The following GPRC5D variants were observed in gnomAD, a reference collection of about 807,000 sequenced individuals.
GPRC5D encodes the protein G protein-coupled receptor family C group 5 member D.
A neutral mutation model predicts 29.3 loss-of-function variants in GPRC5D; 20 were observed. That is an observed-to-expected ratio of 0.68 (90% confidence interval 0.48 to 0.99). The LOEUF is 0.99. GPRC5D is among the 50% of genes least tolerant of loss of function. The pLI is 0.00. For synonymous variants in GPRC5D, 178 were observed against 171.3 expected, an observed-to-expected ratio of 1.04 and a Z score of -0.30; for missense variants, 384 against 423.6, an observed-to-expected ratio of 0.91 and a Z score of 0.82.
upstream of GPRC5D, among the ~76,000 whole-genome samples, chr12:12,951,378 G>A (rs900846945): frequency 3.3e-5 from 5 of 152,186 alleles, no homozygotes; most frequent in African/African-American, 1.2e-4. Context: ...CCTGGGGGAA[G>A]AAATTCAGAG....
intron 2 of GPRC5D, among the ~76,000 whole-genome samples, chr12:12,941,949 C>T (rs1374158152): frequency 6.6e-6 from 1 of 152,206 alleles, no homozygotes; most frequent in South Asian, 2.1e-4. Context: ...AGGCAAAATT[C>T]GGTAAGCCTG....
chr12:12,947,506 TC>T (rs1471581990), intron 1 of GPRC5D, among the ~76,000 whole-genome samples: 2 of 152,106 alleles, frequency 1.3e-5, no homozygotes, highest in Non-Finnish European at 2.9e-5. Context: ...GGCAATTCCT[TC>T]CCTTCCTTCC....
intron 1 of GPRC5D, among the ~76,000 whole-genome samples, chr12:12,943,869 G>A (rs750632077): frequency 2.6e-5 from 4 of 152,092 alleles, no homozygotes; most frequent in East Asian, 1.9e-4. Context: ...AAGGCTGAGC[G>A]TTTTTTTATA....
At chr12:12,947,642 G>A (rs1490821708) in intron 1 of GPRC5D, among the ~76,000 whole-genome samples, 1 of 142,014 alleles carries the variant, frequency 7.0e-6, no homozygotes, top group Admixed American at 7.2e-5. Flanking sequence ...GTGGCTCCCC[G>A]CAGCCTCAAC....
At chr12:12,951,907 C>G (rs1863506080), upstream of GPRC5D, among the ~76,000 whole-genome samples, 1 of 151,952 alleles carries the variant, frequency 6.6e-6, no homozygotes, top group African/African-American at 2.4e-5. Context: ...CTTTAAATAC[C>G]TTTTTGAACA....
At chr12:12,940,846 C>G in exon 3 of GPRC5D, 2 of 1,591,692 alleles carry the variant, frequency 1.3e-6, no homozygotes, top group Non-Finnish European at 1.7e-6. Flanking sequence ...GTGGGATCAA[C>G]AGTCTGGAAA....
At chr12:12,950,253 A>G in exon 1 of GPRC5D, 1 of 1,614,030 alleles carries the variant, frequency 6.2e-7, no homozygotes, top group African/African-American at 1.3e-5. Context: ...TGAGGAAGAG[A>G]AATGCTAAGA....
At chr12:12,946,268 C>T (rs1459973749) in intron 1 of GPRC5D, among the ~76,000 whole-genome samples, 1 of 60,958 alleles carries the variant, frequency 1.6e-5, no homozygotes, top group East Asian at 4.3e-4. Flanking sequence ...TCTTTCCTTT[C>T]TTCCTTCCTT....
In GPRC5D at chr12:12,942,347, A is replaced by G. The variant is rs1863175086; in HGVS notation, c.896-19T>C. 3 of 1,584,144 alleles carry G rather than the reference A, an allele frequency of 1.9e-6. No individual in the cohort carries two copies. The highest frequency in any genetic ancestry group is 2.6e-6 in the Non-Finnish European group (3 of 1,152,750). Reference sequence around the variant, plus strand: ...TCTCGGGCTGAAAGCCAAAGGAGGGAAGGGCTGGGTTAGTGTCCGAGAGTC... The same window carrying G: ...TCTCGGGCTGAAAGCCAAAGGAGGGGAGGGCTGGGTTAGTGTCCGAGAGTC... On this transcript the variant is annotated intron_variant, in intron 1 of 2. Transcript: ENST00000228887.
chr12:12,944,979 C>CTCTT (rs1466075322), intron 1 of GPRC5D, among the ~76,000 whole-genome samples: 70 of 145,110 alleles, frequency 4.8e-4, no homozygotes, highest in Non-Finnish European at 8.3e-4. Context: ...TTTTCTTTTT[C>CTCTT]TCTCTCTCTC....
exon 1 of GPRC5D, chr12:12,950,025 A>T: frequency 6.2e-7 from 1 of 1,614,112 alleles, no homozygotes; most frequent in African/African-American, 1.3e-5. Flanking sequence ...AGGAGACACA[A>T]CCCCGAACCA....
intron 1 of GPRC5D, among the ~76,000 whole-genome samples, chr12:12,945,798 T>C (rs1166068532): frequency 6.6e-6 from 1 of 152,234 alleles, no homozygotes; most frequent in Non-Finnish European, 1.5e-5. Context: ...GCTGAGCATG[T>C]TAAATTTCAA....
At position 12,944,841 on chromosome 12, in the gene GPRC5D, CCTTCCTTCCT is replaced by C. The variant is rs1565477349; in HGVS notation, c.896-2523_896-2514del. On this transcript the variant is annotated intron_variant, in intron 1 of 2. Transcript: ENST00000228887. ...TCCTTCCTTCCTTCCTTCCTTCCTTCCTTCCTTCCTTCTTTCTTTCTTTCTTTCTTTCTTT... is the reference window on the plus strand; with the variant it reads ...TCCTTCCTTCCTTCCTTCCTTCCTTCTCTTTCTTTCTTTCTTTCTTTCTTT... 3.6e-3 allele frequency among the ~76,000 whole-genome samples: 91 copies of C among 25,222 alleles called. 5 individuals are homozygous for C. Among genetic ancestry groups the C allele is most frequent in the South Asian group, 7.5e-3 (3 of 400 alleles). The allele number at this position is 25,222 out of a possible 152,430, so 16.5% of individuals were successfully genotyped here. A position where few individuals can be genotyped will look rare whatever the true frequency, so the allele number is the denominator to read the frequency against.
intron 1 of GPRC5D, among the ~76,000 whole-genome samples, chr12:12,944,928 C>T (rs1194100837): frequency 1.8e-5 from 1 of 54,106 alleles, no homozygotes; most frequent in Non-Finnish European, 5.4e-5. Flanking sequence ...TCCCTTTCTT[C>T]CTTTTCTTCC....
At chr12:12,943,612 A>G (rs1357175390) in intron 1 of GPRC5D, among the ~76,000 whole-genome samples, 1 of 152,028 alleles carries the variant, frequency 6.6e-6, no homozygotes. Context: ...TCCTCTTCCT[A>G]GTGGCTTTTT....
chr12:12,949,582 G>C (rs1331949968), exon 1 of GPRC5D: 2 of 1,613,242 alleles, frequency 1.2e-6, no homozygotes, highest in African/African-American at 2.7e-5. Context: ...CTGTCTACAC[G>C]ATCTGTAGAG....
intron 1 of GPRC5D, among the ~76,000 whole-genome samples, chr12:12,949,196 C>G (rs1271633511): frequency 6.6e-6 from 1 of 152,158 alleles, no homozygotes; most frequent in African/African-American, 2.4e-5. Context: ...ATAGTGGATG[C>G]CTTTCTTTAA....
intron 1 of GPRC5D, among the ~76,000 whole-genome samples, chr12:12,944,842 CTTCCTTCCTTCTTTCT>C (rs1565477357): frequency 5.7e-4 from 14 of 24,688 alleles, no homozygotes; most frequent in African/African-American, 1.3e-3. Flanking sequence ...TCCTTCCTTC[CTTCCTTCCTTCTTTCT>C]TTCTTTCTTT....
exon 1 of GPRC5D, chr12:12,949,711 A>T (rs1408901577): frequency 6.2e-7 from 1 of 1,607,938 alleles, no homozygotes; most frequent in Non-Finnish European, 8.5e-7. Context: ...GTTGCCTCTC[A>T]GGAGCATGGA....
Sources: gnomAD v4.1 joint callset for allele counts (sites outside exome capture counted in the v4.1 genomes callset) on GRCh38, gnomAD v4.1.1 for gene constraint, MANE v1.5 for transcripts, NCBI Gene and HGNC (gene_info 2026-07-23, HGNC 2026-07-21) for gene names.